EPHA7: variants seen among roughly 807,000 people sequenced by gnomAD.
EPHA7 encodes ephrin type-A receptor 7.
EPHA7 carries 25 observed loss-of-function variants against 112.6 expected under a neutral mutation model. The observed-to-expected ratio is 0.22, with a 90% CI of 0.16 to 0.31. The LOEUF (loss-of-function observed/expected upper bound fraction) is 0.31. Ranked by LOEUF, EPHA7 falls within the 10% of genes least tolerant of loss-of-function variation. EPHA7 has a pLI of 1.00. For missense variants in EPHA7, 962 were observed against 1,212.6 expected, an observed-to-expected ratio of 0.79 and a Z score of 3.07; for synonymous variants, 437 against 406.5, an observed-to-expected ratio of 1.07 and a Z score of -0.90.
Position 93,419,355 on chromosome 6 carries a change from G to C in EPHA7, c.-14C>G, listed in dbSNP as rs770883778. 2 of 1,602,154 alleles carry C rather than the reference G, an allele frequency of 1.2e-6. No homozygotes were observed. Among genetic ancestry groups the C allele is most frequent in the African/African-American group, 1.3e-5 (1 of 74,600 alleles). On this transcript the variant is annotated 5_prime_UTR_variant, in exon 1 of 17. Transcript: ENST00000369303. ...TTGAAAAACCATGGTGCATGAGCAG[G>C]TTTTATTTTAGGTTTCAGTTATCTT...
rs906296965 is a variant in EPHA7, at chr6:93,376,254, C to T, written c.833-17843G>A. The stretch of plus-strand genomic sequence containing the variant: ...ATTGCTGAGGCTCAAGTTCTCCCAC[C>T]TCAGCCTCCTGAGCAGCTGGGACCA... On this transcript the variant is annotated intron_variant, in intron 3 of 16. Coordinates refer to ENST00000369303, the MANE Select transcript of EPHA7 (RefSeq NM_004440.4). Among the ~76,000 whole-genome samples, 8 of 152,086 alleles carry T rather than the reference C, an allele frequency of 5.3e-5. No homozygotes were observed. In the East Asian group the frequency reaches 1.5e-3, roughly 29 times the overall value.
chr6:93,273,185 C>G (rs1047855102), intron 5 of EPHA7, among the ~76,000 whole-genome samples: 2 of 151,854 alleles, frequency 1.3e-5, no homozygotes, highest in Non-Finnish European at 2.9e-5. Flanking sequence ...GTGACATATA[C>G]TCTTTTTGGT....
At chr6:93,277,456 T>C (rs931933037) in intron 5 of EPHA7, among the ~76,000 whole-genome samples, 6 of 151,894 alleles carry the variant, frequency 4.0e-5, no homozygotes, top group Non-Finnish European at 8.8e-5. Flanking sequence ...GGGTGGCTAA[T>C]AATATTAAGA....
At chr6:93,406,925 C>T (rs1219004754) in intron 3 of EPHA7, among the ~76,000 whole-genome samples, 1 of 151,690 alleles carries the variant, frequency 6.6e-6, no homozygotes, top group Non-Finnish European at 1.5e-5. Context: ...GGCTAGTTTG[C>T]ATCAAAGTTG....
chr6:93,326,683 T>G (rs1445627233), intron 5 of EPHA7, among the ~76,000 whole-genome samples: 2 of 151,294 alleles, frequency 1.3e-5, no homozygotes, highest in African/African-American at 2.4e-5. Context: ...ATATGACGTG[T>G]TTGGACTAAA....
chr6:93,327,740 T>C (rs928029452), intron 5 of EPHA7, among the ~76,000 whole-genome samples: 6 of 151,528 alleles, frequency 4.0e-5, no homozygotes, highest in African/African-American at 1.5e-4. Context: ...TACCATTCCA[T>C]TGCTACCACC....
At chr6:93,315,745 A>T (rs1483107305) in intron 5 of EPHA7, among the ~76,000 whole-genome samples, 1 of 152,164 alleles carries the variant, frequency 6.6e-6, no homozygotes, top group Non-Finnish European at 1.5e-5. Flanking sequence ...TTTACCTAAG[A>T]AGTACTGTGT....
chr6:93,419,108 T>G, intron 1 of EPHA7, 137 bp downstream of exon 1: 3 of 596,216 alleles, frequency 5.0e-6, no homozygotes, highest in Non-Finnish European at 8.0e-6. Context: ...GCCTCAGCGG[T>G]GAGGGGGCGG....
intron 1 of EPHA7, among the ~76,000 whole-genome samples, 158 bp downstream of exon 1, chr6:93,419,087 C>A (rs1056474908): frequency 2.0e-5 from 3 of 152,138 alleles, no homozygotes; most frequent in African/African-American, 4.8e-5. Flanking sequence ...CTCGCTGGTC[C>A]GCCAGGAGCG....
chr6:93,365,217 C>A (rs1314136282), intron 3 of EPHA7, among the ~76,000 whole-genome samples: 1 of 152,136 alleles, frequency 6.6e-6, no homozygotes, highest in Non-Finnish European at 1.5e-5. Context: ...ATGTTGCTGG[C>A]CACAGTTATG....
At chr6:93,284,974 A>G (rs1321050811) in intron 5 of EPHA7, among the ~76,000 whole-genome samples, 1 of 152,206 alleles carries the variant, frequency 6.6e-6, no homozygotes, top group East Asian at 1.9e-4. Flanking sequence ...CTGCACATGT[A>G]TCCCAGAACT....
chr6:93,273,068 C>G (rs971714782), intron 5 of EPHA7, among the ~76,000 whole-genome samples: 3 of 151,852 alleles, frequency 2.0e-5, no homozygotes, highest in African/African-American at 7.2e-5. Flanking sequence ...TAATTTATAC[C>G]TACGTAACCT....
chr6:93,320,293 G>T (rs1245462791), intron 5 of EPHA7, among the ~76,000 whole-genome samples: 2 of 151,974 alleles, frequency 1.3e-5, no homozygotes, highest in Non-Finnish European at 2.9e-5. Flanking sequence ...GGAATATTCT[G>T]CAGATTTAAC....
chr6:93,358,426 G>A lies in EPHA7; in HGVS notation c.833-15C>T, dbSNP rs1274363652. On this transcript the variant is annotated splice_polypyrimidine_tract_variant and intron_variant, in intron 3 of 16. Transcript: ENST00000369303. ...ACGGCCACAGGCTGGGAATGCAAAA[G>A]AAAGCAAAAATTGAGACATGAGAGC... The A allele has an allele frequency of 2.5e-6, 4 of 1,581,030 alleles. No individual in the cohort carries two copies. Among genetic ancestry groups the A allele is most frequent in the Middle Eastern group, 1.7e-4 (1 of 5,822 alleles).
At chr6:93,301,080 G>A (rs995306437) in intron 5 of EPHA7, among the ~76,000 whole-genome samples, 9 of 152,094 alleles carry the variant, frequency 5.9e-5, no homozygotes, top group African/African-American at 1.9e-4. Flanking sequence ...TGTGTATGTC[G>A]TCTGTCCTTG....
chr6:93,353,993 C>CT (rs1775820138), intron 5 of EPHA7, among the ~76,000 whole-genome samples: 1 of 152,108 alleles, frequency 6.6e-6, no homozygotes, highest in Admixed American at 6.6e-5. Flanking sequence ...TCCTGACTCT[C>CT]TAAGCTTTCC....
intron 14 of EPHA7, among the ~76,000 whole-genome samples, chr6:93,253,420 G>A (rs760015704): frequency 1.3e-5 from 2 of 151,424 alleles, no homozygotes; most frequent in South Asian, 2.1e-4. Context: ...TGTAGGGAAA[G>A]TATCAAAAAT....
At chr6:93,253,825 A>T (rs1770320808) in intron 14 of EPHA7, among the ~76,000 whole-genome samples, 1 of 152,074 alleles carries the variant, frequency 6.6e-6, no homozygotes. Context: ...TACTGGCTCT[A>T]CATTTATCTA....
chr6:93,276,434 C>T (rs1771474172), intron 5 of EPHA7, among the ~76,000 whole-genome samples: 1 of 152,002 alleles, frequency 6.6e-6, no homozygotes, highest in Non-Finnish European at 1.5e-5. Context: ...CAGGAATGAG[C>T]TTGGAAGTGG....
Sources: gnomAD v4.1 joint callset for allele counts (sites outside exome capture counted in the v4.1 genomes callset) on GRCh38, gnomAD v4.1.1 for gene constraint, MANE v1.5 for transcripts, NCBI Gene and HGNC (gene_info 2026-07-23, HGNC 2026-07-21) for gene names.